The following REPS2 variants were observed in gnomAD, a reference collection of about 807,000 sequenced individuals.
The protein encoded by REPS2 is RALBP1 associated Eps domain containing 2.
Under a neutral mutation model 53.6 loss-of-function variants are expected in REPS2, and 23 were observed. The observed-to-expected ratio is 0.43, with a 90% CI of 0.31 to 0.61. The LOEUF is 0.61. REPS2 is among the 20% of genes least tolerant of loss of function. The pLI is 0.11. For synonymous variants in REPS2, 238 were observed against 218.6 expected (o/e 1.09, Z -0.78); for missense variants, 446 against 534.9 (o/e 0.83, Z 1.64).
At chrX:17,061,438 C>T (rs1198123863) in intron 8 of REPS2, among the ~76,000 whole-genome samples, 3 of 112,156 alleles carry the variant, frequency 2.7e-5, no homozygotes, top group African/African-American at 9.7e-5. Flanking sequence ...CCATGCCTGG[C>T]CAATGGCCAG....
intron 1 of REPS2, among the ~76,000 whole-genome samples, chrX:16,968,107 A>G (rs374605156): frequency 3.6e-5 from 4 of 111,565 alleles, no homozygotes; most frequent in East Asian, 5.7e-4. Context: ...CCCTTAATCC[A>G]TTCAACCCTG....
intron 1 of REPS2, among the ~76,000 whole-genome samples, chrX:16,962,122 T>A (rs766799892): frequency 9.0e-6 from 1 of 111,689 alleles, no homozygotes; most frequent in Admixed American, 9.5e-5. Context: ...GATCCAGCAA[T>A]TCCTCTGCTG....
At position 17,135,267 on chromosome X, in the gene REPS2, C is replaced by T. The variant is rs767344940; in HGVS notation, c.1669C>T (p.Leu557=). The change falls in exon 16 of 18, where the codon CTG becomes TTG. Residue 557 remains leucine, a synonymous_variant. Coordinates refer to ENST00000357277, the MANE Select transcript of REPS2 (RefSeq NM_004726.3). ...TTTTGTTTTAAATCCACAGGATGTA[C>T]TGTATTCTCAGCCACCATCAAAGCC... is the stretch of plus-strand genomic sequence containing the variant. ...AESSPAKKDV[L]YSQPPSKPIR... is the part of the protein sequence containing the mutation. 60 of 1,207,193 alleles carry T rather than the reference C, an allele frequency of 5.0e-5. No homozygotes were observed. The South Asian group carries it at 1.0e-3, about 20-fold the overall frequency.
chrX:17,163,657 G>A, the REPS2 span, among the ~76,000 whole-genome samples: 7 of 112,265 alleles, frequency 6.2e-5, no homozygotes, highest in African/African-American at 2.3e-4. Context: ...ACTGAAGCTA[G>A]AAAATAGTGG....
At chrX:17,009,874 A>G (rs577750722) in intron 2 of REPS2, among the ~76,000 whole-genome samples, 112 of 111,203 alleles carry the variant, frequency 1.0e-3, no homozygotes, top group Non-Finnish European at 1.4e-3. Context: ...GTTCTTGCCT[A>G]CTTTTCCATC....
rs185823572 is a variant in REPS2 at position 17,020,738 on chromosome X, C to T, written c.398-1385C>T. 2.2e-3 allele frequency among the ~76,000 whole-genome samples: 238 copies of T among 110,601 alleles called. 1 individual carries two copies. Among genetic ancestry groups the T allele is most frequent in the African/African-American group, 7.0e-3 (212 of 30,335 alleles). On this transcript the variant is annotated intron_variant, in intron 2 of 17. Coordinates refer to ENST00000357277, the MANE Select transcript of REPS2 (RefSeq NM_004726.3). Reference sequence around the variant, plus strand: ...CCGCCTCCTGGGTTTAAGCAATTCTCCTGCCTCAGCCTCCTGAGTAGCTGG... The same window carrying T: ...CCGCCTCCTGGGTTTAAGCAATTCTTCTGCCTCAGCCTCCTGAGTAGCTGG...
intron 13 of REPS2, among the ~76,000 whole-genome samples, chrX:17,080,163 G>A (rs185167968): frequency 7.6e-4 from 84 of 110,835 alleles, no homozygotes; most frequent in African/African-American, 2.2e-3. Context: ...GCATGATATG[G>A]ATATACCATG....
intron 3 of REPS2, chrX:17,022,474 T>G: frequency 1.3e-5 from 4 of 296,694 alleles, no homozygotes; most frequent in East Asian, 5.1e-5. Context: ...AAGGGCCCTT[T>G]AGAGCCTACT....
intron 2 of REPS2, among the ~76,000 whole-genome samples, chrX:17,020,911 G>A (rs769367893): frequency 5.4e-5 from 6 of 111,966 alleles, no homozygotes; most frequent in East Asian, 2.8e-4. Flanking sequence ...AATTATAGGC[G>A]TAAGTGAGCC....
intron 9 of REPS2, among the ~76,000 whole-genome samples, chrX:17,066,948 C>A (rs1233320542): frequency 8.9e-6 from 1 of 112,278 alleles, no homozygotes; most frequent in African/African-American, 3.2e-5. Flanking sequence ...CAGTCTCTTT[C>A]TTCAGAACAG....
chrX:17,168,595 ATATTGGCTTG>A, the REPS2 span, among the ~76,000 whole-genome samples: 6 of 111,712 alleles, frequency 5.4e-5, no homozygotes, highest in South Asian at 2.3e-3. Context: ...GAGCACTCTT[ATATTGGCTTG>A]TCCTCCATAT....
At chrX:17,181,053 G>C in the REPS2 span, among the ~76,000 whole-genome samples, 7 of 112,042 alleles carry the variant, frequency 6.2e-5, no homozygotes, top group Admixed American at 2.8e-4. Context: ...TTGCCTAAAA[G>C]TATACTGTCT....
chrX:17,043,788 G>A (rs1402665777), intron 5 of REPS2, among the ~76,000 whole-genome samples: 1 of 112,953 alleles, frequency 8.9e-6, no homozygotes, highest in Non-Finnish European at 1.9e-5. Context: ...CCAGGTGTGA[G>A]GTGGGTCATG....
intron 7 of REPS2, among the ~76,000 whole-genome samples, chrX:17,054,398 A>G (rs903301784): frequency 8.9e-6 from 1 of 112,394 alleles, no homozygotes; most frequent in African/African-American, 3.2e-5. Flanking sequence ...GGCTAGGACA[A>G]CTATAAAATG....
At chrX:17,086,775 C>A (rs765210839) in intron 13 of REPS2, among the ~76,000 whole-genome samples, 2 of 112,534 alleles carry the variant, frequency 1.8e-5, no homozygotes, top group Non-Finnish European at 3.8e-5. Flanking sequence ...ACATAATTCT[C>A]AGTACATCAG....
chrX:17,085,189 A>G (rs1255863154), intron 13 of REPS2, among the ~76,000 whole-genome samples: 4 of 112,384 alleles, frequency 3.6e-5, no homozygotes, highest in Non-Finnish European at 7.5e-5. Flanking sequence ...AACCATAAAC[A>G]TAAGGATTTA....
At chrX:17,191,809 A>G in the REPS2 span, among the ~76,000 whole-genome samples, 73 of 112,483 alleles carry the variant, frequency 6.5e-4, no homozygotes, top group African/African-American at 2.2e-3. Flanking sequence ...TTTACGTGAC[A>G]CTGTGGAAAA....
chrX:17,008,380 T>A (rs1008974456), intron 2 of REPS2, among the ~76,000 whole-genome samples: 34 of 112,558 alleles, frequency 3.0e-4, no homozygotes, highest in African/African-American at 1.1e-3. Flanking sequence ...TTACCTGATT[T>A]GTGCCCAGAT....
At chrX:16,983,965 T>C (rs1379070001) in intron 1 of REPS2, among the ~76,000 whole-genome samples, 1 of 112,982 alleles carries the variant, frequency 8.9e-6, no homozygotes, top group Non-Finnish European at 1.9e-5. Flanking sequence ...AGCAGTGACT[T>C]TAACATAGAG....
Sources: gnomAD v4.1 joint callset for allele counts (sites outside exome capture counted in the v4.1 genomes callset) on GRCh38, gnomAD v4.1.1 for gene constraint, MANE v1.5 for transcripts, NCBI Gene and HGNC (gene_info 2026-07-23, HGNC 2026-07-21) for gene names.